The following L3MBTL3 variants were observed in gnomAD, a reference collection of about 807,000 sequenced individuals.
The protein encoded by L3MBTL3 is lethal(3)malignant brain tumor-like protein 3.
In L3MBTL3, 27 loss-of-function variants were observed where a neutral mutation model predicts 102.3. That is an observed-to-expected ratio of 0.26 (90% confidence interval 0.19 to 0.36). The LOEUF (loss-of-function observed/expected upper bound fraction) is 0.36. Ranked by LOEUF, L3MBTL3 falls within the 10% of genes least tolerant of loss-of-function variation. The probability of loss-of-function intolerance (pLI) is 1.00; values close to 1 mark genes in which losing one functional copy is unlikely to be tolerated. For synonymous variants in L3MBTL3, 340 were observed against 320.9 expected (o/e 1.06, Z -0.64); for missense variants, 798 against 955.3 (o/e 0.84, Z 2.17).
intron 18 of L3MBTL3, among the ~76,000 whole-genome samples, chr6:130,103,411 C>T (rs1784812622): frequency 6.6e-6 from 1 of 152,158 alleles, no homozygotes; most frequent in South Asian, 2.1e-4. Flanking sequence ...ACTCTTCCCT[C>T]CTTTTCCTAG....
At position 130,140,089 on chromosome 6, in the gene L3MBTL3, T is replaced by G. The variant is rs1344960902; in HGVS notation, c.*336T>G. 5.2e-6 allele frequency: 1 copy of G among 192,086 alleles called. No individual in the cohort carries two copies. Among genetic ancestry groups the G allele is most frequent in the Non-Finnish European group, 1.1e-5 (1 of 93,554 alleles). The allele number at this position is 192,086 out of a possible 1,614,324, so 11.9% of individuals were successfully genotyped here. A position where few individuals can be genotyped will look rare whatever the true frequency, so the allele number is the denominator to read the frequency against. The stretch of plus-strand genomic sequence containing the variant: ...GGCAGAGTAAGAACTTTTGGCATTT[T>G]GTAAACATTGTTGAATTCTCTTTCA... On this transcript the variant is annotated 3_prime_UTR_variant, in exon 23 of 23. Transcript: ENST00000361794.
intron 19 of L3MBTL3, among the ~76,000 whole-genome samples, chr6:130,114,258 T>C (rs1199158988): frequency 1.3e-5 from 2 of 152,192 alleles, no homozygotes; most frequent in East Asian, 3.9e-4. Flanking sequence ...CCATTCAAAG[T>C]GCAGGGATAA....
intron 8 of L3MBTL3, among the ~76,000 whole-genome samples, chr6:130,055,680 A>G (rs893484505): frequency 1.9e-5 from 1 of 51,974 alleles, no homozygotes; most frequent in Non-Finnish European, 3.8e-5. Flanking sequence ...CCCTCCCTCC[A>G]TCCCTCTCTC....
At chr6:130,032,326 G>C (rs1345750429) in intron 2 of L3MBTL3, among the ~76,000 whole-genome samples, 3 of 152,178 alleles carry the variant, frequency 2.0e-5, no homozygotes, top group Non-Finnish European at 4.4e-5. Flanking sequence ...TTGTGTGTCT[G>C]TAGTCCCAGC....
At chr6:130,037,237 T>C (rs1780120141) in intron 2 of L3MBTL3, among the ~76,000 whole-genome samples, 1 of 152,188 alleles carries the variant, frequency 6.6e-6, no homozygotes, top group African/African-American at 2.4e-5. Context: ...TAGTCACAGC[T>C]GACAATTTTA....
At chr6:130,107,874 G>A (rs1057409646) in intron 19 of L3MBTL3, among the ~76,000 whole-genome samples, 45 of 152,282 alleles carry the variant, frequency 3.0e-4, no homozygotes, top group African/African-American at 1.1e-3. Flanking sequence ...TGCATGCATG[G>A]CCATCTAAGC....
At chr6:130,020,165 G>A (rs894424547) in intron 1 of L3MBTL3, among the ~76,000 whole-genome samples, 3 of 150,968 alleles carry the variant, frequency 2.0e-5, no homozygotes, top group South Asian at 2.1e-4. Context: ...GTGTGTGTGC[G>A]GTTCCGGAAT....
intron 10 of L3MBTL3, among the ~76,000 whole-genome samples, chr6:130,061,113 C>T (rs944749256): frequency 8.0e-4 from 110 of 137,234 alleles, no homozygotes; most frequent in Non-Finnish European, 1.1e-3. Context: ...GAGATGGAGT[C>T]TCACTCTGTC....
At chr6:130,096,252 A>T (rs1000495356) in intron 18 of L3MBTL3, among the ~76,000 whole-genome samples, 3 of 152,176 alleles carry the variant, frequency 2.0e-5, no homozygotes, top group Non-Finnish European at 4.4e-5. Flanking sequence ...TCCATAAATT[A>T]GTCACAGACC....
intron 13 of L3MBTL3, 108 bp downstream of exon 13, chr6:130,071,235 C>T: frequency 1.0e-6 from 1 of 966,548 alleles, no homozygotes; most frequent in Non-Finnish European, 1.5e-6. Context: ...CAGTGTTCTG[C>T]CCCACTTTTT....
At chr6:130,055,121 GGT>G (rs1781380117) in intron 7 of L3MBTL3, 48 bp from the exon 8 acceptor site, 1 of 1,372,134 alleles carries the variant, frequency 7.3e-7, no homozygotes, top group South Asian at 1.2e-5. Context: ...ACTATTCACT[GGT>G]GCCAATTTCT....
At chr6:130,106,205 A>G (rs1784971805) in intron 19 of L3MBTL3, among the ~76,000 whole-genome samples, 1 of 152,194 alleles carries the variant, frequency 6.6e-6, no homozygotes, top group African/African-American at 2.4e-5. Flanking sequence ...CCTAATAATT[A>G]TTACCTATTA....
At chr6:130,068,621 CT>C (rs1166658310) in intron 12 of L3MBTL3, among the ~76,000 whole-genome samples, 200 bp downstream of exon 12, 1 of 152,110 alleles carries the variant, frequency 6.6e-6, no homozygotes, top group African/African-American at 2.4e-5. Context: ...ATGGTTGTCT[CT>C]TTTATTGCAT....
chr6:130,046,691 G>A (rs957514308), intron 3 of L3MBTL3, among the ~76,000 whole-genome samples: 1 of 144,696 alleles, frequency 6.9e-6, no homozygotes, highest in East Asian at 2.1e-4. Context: ...TTTCTTGGTT[G>A]TAGAGTGGAG....
intron 14 of L3MBTL3, 94 bp downstream of exon 14, chr6:130,078,728 T>A: frequency 2.5e-6 from 2 of 792,304 alleles, no homozygotes; most frequent in Non-Finnish European, 4.2e-6. Context: ...TATTTTGGCT[T>A]TGCAGACCAT....
In L3MBTL3 at chr6:130,066,388, G is replaced by T. The variant is rs1287618171; in HGVS notation, c.900G>T (p.Gly300=). ...ACCGGATAAAGCTTCACTTTGATGG[G>T]TATTCTGATTGCTATGACTTCTGGG... is the stretch of plus-strand genomic sequence containing the variant. ...CGYRIKLHFD[G]YSDCYDFWVN... Residue 300 remains glycine, a synonymous_variant, in exon 11 of 23, where the codon GGG becomes GGT. Coordinates refer to ENST00000361794, the MANE Select transcript of L3MBTL3 (RefSeq NM_032438.4). 1 of 1,609,896 alleles carries T rather than the reference G, an allele frequency of 6.2e-7. No individual in the cohort carries two copies. Among genetic ancestry groups the T allele is most frequent in the Non-Finnish European group, 8.5e-7 (1 of 1,177,920 alleles).
chr6:130,122,188 A>T (rs1049546075), intron 20 of L3MBTL3, among the ~76,000 whole-genome samples: 1 of 152,174 alleles, frequency 6.6e-6, no homozygotes, highest in Non-Finnish European at 1.5e-5. Flanking sequence ...TTTTCATGTA[A>T]ATAGTTTTGT....
intron 20 of L3MBTL3, among the ~76,000 whole-genome samples, chr6:130,130,234 A>G (rs1346231217): frequency 6.6e-6 from 1 of 152,234 alleles, no homozygotes; most frequent in Admixed American, 6.5e-5. Context: ...TGTGCGGAAC[A>G]TTAGAAATGA....
chr6:130,115,216 G>A (rs1785587475), intron 19 of L3MBTL3, among the ~76,000 whole-genome samples: 1 of 152,128 alleles, frequency 6.6e-6, no homozygotes, highest in Non-Finnish European at 1.5e-5. Flanking sequence ...ATTTTGAAAA[G>A]AGAAGGGTGG....
Sources: gnomAD v4.1 joint callset for allele counts (sites outside exome capture counted in the v4.1 genomes callset) on GRCh38, gnomAD v4.1.1 for gene constraint, MANE v1.5 for transcripts, NCBI Gene and HGNC (gene_info 2026-07-23, HGNC 2026-07-21) for gene names.